Variants in DYRK1A observed in about 807,000 individuals in gnomAD.
DYRK1A encodes the protein dual specificity tyrosine phosphorylation regulated kinase 1A, also known as dual specificity tyrosine-phosphorylation-regulated kinase 1A.
In DYRK1A, 9 loss-of-function variants were observed where a neutral mutation model predicts 79.7. That is an observed-to-expected ratio of 0.11 (90% CI 0.07 to 0.20). The LOEUF (loss-of-function observed/expected upper bound fraction) is 0.20. Among genes scored for constraint, DYRK1A ranks in the 10% least tolerant of loss-of-function variants. The pLI, the probability that DYRK1A is intolerant of heterozygous loss-of-function variation, is 1.00. For missense variants in DYRK1A, 622 were observed against 956.0 expected (o/e 0.65, Z 4.61); for synonymous variants, 349 against 329.7 (o/e 1.06, Z -0.63).
At chr21:37,432,941 A>G (rs1249676339) in intron 2 of DYRK1A, among the ~76,000 whole-genome samples, 1 of 149,954 alleles carries the variant, frequency 6.7e-6, no homozygotes, top group Non-Finnish European at 1.5e-5. Context: ...GCGCCATTGC[A>G]CTCCAGCCTG....
At chr21:37,399,951 C>G (rs545340639) in intron 1 of DYRK1A, among the ~76,000 whole-genome samples, 18 of 152,302 alleles carry the variant, frequency 1.2e-4, no homozygotes, top group Admixed American at 5.2e-4. Flanking sequence ...GCTCCTGTAA[C>G]AAATCACAGA....
chr21:37,507,158 TA>T (rs2053621105), intron 11 of DYRK1A, among the ~76,000 whole-genome samples: 1 of 152,214 alleles, frequency 6.6e-6, no homozygotes, highest in South Asian at 2.1e-4. Flanking sequence ...TAACATTGAA[TA>T]CATGATCCTG....
chr21:37,476,400 T>G (rs1389655735), intron 3 of DYRK1A, among the ~76,000 whole-genome samples: 1 of 152,232 alleles, frequency 6.6e-6, no homozygotes, highest in Non-Finnish European at 1.5e-5. Flanking sequence ...TTCGGTTGAC[T>G]CTACCAATGA....
intron 2 of DYRK1A, among the ~76,000 whole-genome samples, chr21:37,421,260 T>TAG (rs1378477320): frequency 6.6e-6 from 1 of 152,120 alleles, no homozygotes; most frequent in African/African-American, 2.4e-5. Context: ...TTTGAATTGA[T>TAG]ACCTAACAGA....
intron 3 of DYRK1A, 52 bp downstream of exon 3, chr21:37,472,932 A>T (rs2052277888): frequency 7.5e-7 from 1 of 1,341,268 alleles, no homozygotes; most frequent in African/African-American, 1.5e-5. Flanking sequence ...TTTATTCCTT[A>T]AAAATGTTGG....
At chr21:37,418,927 G>A (rs2050410451) in intron 1 of DYRK1A, 1 of 152,174 alleles carries the variant, frequency 6.6e-6, no homozygotes. Flanking sequence ...TATTGTCTCT[G>A]AGGTTCTTTT....
Position 37,512,497 on chromosome 21 carries a change from T to C in DYRK1A, c.2231T>C (p.Val744Ala). Residue 744 changes from valine (V) to alanine (A), a missense_variant, in exon 12 of 12, where the codon GTT becomes GCT. Val to Ala is a moderately conservative substitution (Grantham distance 64). Around this residue, in one of 5 missense-constraint regions of DYRK1A, gnomAD observed 292 missense variants for 316.7 expected, o/e 0.92. Coordinates refer to ENST00000647188, the MANE Select transcript of DYRK1A (RefSeq NM_001347721.2). ...AGAGAAGAGTCCCCCATGACAGGAG[T>C]TTGTGTGCAACAGAGTCCTGTAGCT... ...ADREESPMTG[V>A]CVQQSPVASS 6.2e-7 allele frequency: 1 copy of C among 1,613,976 alleles called. No individual in the cohort carries two copies. Among genetic ancestry groups the C allele is most frequent in the Non-Finnish European group, 8.5e-7 (1 of 1,179,970 alleles).
intron 2 of DYRK1A, among the ~76,000 whole-genome samples, chr21:37,451,365 C>CCCTACCCAT (rs59321172): frequency 1.4e-5 from 2 of 140,476 alleles, no homozygotes; most frequent in Admixed American, 7.4e-5. Flanking sequence ...TCCATCCCTC[C>CCCTACCCAT]CTCCCTCCAT....
chr21:37,503,862 A>G (rs951120595), intron 9 of DYRK1A: 7 of 152,120 alleles, frequency 4.6e-5, no homozygotes, highest in Admixed American at 6.5e-5. Flanking sequence ...CCAGTCTGCT[A>G]TTTTCAACAT....
At chr21:37,409,963 T>C (rs1426778044) in intron 1 of DYRK1A, among the ~76,000 whole-genome samples, 1 of 152,236 alleles carries the variant, frequency 6.6e-6, no homozygotes, top group Non-Finnish European at 1.5e-5. Context: ...AACTTTTGTA[T>C]ATACATTTTG....
intron 1 of DYRK1A, among the ~76,000 whole-genome samples, chr21:37,380,351 A>G (rs944273656): frequency 1.7e-4 from 26 of 152,126 alleles, no homozygotes; most frequent in African/African-American, 5.3e-4. Flanking sequence ...TGTTGAAACA[A>G]CAATGGTAAG....
In DYRK1A at chr21:37,427,114, T is replaced by C. The variant is rs532971529; in HGVS notation, c.10+6730T>C. Among the ~76,000 whole-genome samples the C allele has an allele frequency of 1.7e-3, 258 of 152,296 alleles. 1 individual carries two copies. The highest frequency in any genetic ancestry group is 3.0e-3 in the Non-Finnish European group (206 of 68,020). ...CTCAAGAAAATTTGTTGAAATTTGC[T>C]TTGCAGATTTTTTTTAAGAGAGTCT... On this transcript the variant is annotated intron_variant, in intron 2 of 11. Coordinates refer to ENST00000647188, the MANE Select transcript of DYRK1A (RefSeq NM_001347721.2).
intron 1 of DYRK1A, among the ~76,000 whole-genome samples, chr21:37,416,316 C>G: frequency 1.1e-5 from 1 of 90,846 alleles, no homozygotes; most frequent in South Asian, 4.0e-4. Context: ...TGTGTTTTGG[C>G]CTTTTTTTTT....
intron 1 of DYRK1A, among the ~76,000 whole-genome samples, chr21:37,377,856 T>C (rs1433098866): frequency 6.6e-6 from 1 of 152,198 alleles, no homozygotes; most frequent in Non-Finnish European, 1.5e-5. Flanking sequence ...TTTTGCTCTT[T>C]TAAACAATGC....
chr21:37,392,798 G>A (rs1039922814), intron 1 of DYRK1A, among the ~76,000 whole-genome samples: 1 of 152,344 alleles, frequency 6.6e-6, no homozygotes, highest in East Asian at 1.9e-4. Flanking sequence ...ATTTCTTACA[G>A]TTCTGGAGGA....
intron 2 of DYRK1A, among the ~76,000 whole-genome samples, chr21:37,468,485 T>C (rs1336865855): frequency 6.6e-6 from 1 of 152,146 alleles, no homozygotes; most frequent in African/African-American, 2.4e-5. Context: ...TTAGGTAGTG[T>C]CCAGTTCTTG....
chr21:37,459,866 G>T (rs933578361), intron 2 of DYRK1A, among the ~76,000 whole-genome samples: 4 of 151,938 alleles, frequency 2.6e-5, no homozygotes, highest in Admixed American at 2.6e-4. Flanking sequence ...TTTTTTTCCC[G>T]CAAAGGACTG....
intron 5 of DYRK1A, among the ~76,000 whole-genome samples, chr21:37,483,135 T>C (rs946094556): frequency 6.6e-6 from 1 of 152,166 alleles, no homozygotes; most frequent in Non-Finnish European, 1.5e-5. Flanking sequence ...AGGGTATTGA[T>C]TGGGGAAGTG....
At chr21:37,388,500 A>G (rs972329405) in intron 1 of DYRK1A, among the ~76,000 whole-genome samples, 6 of 152,220 alleles carry the variant, frequency 3.9e-5, no homozygotes, top group Non-Finnish European at 8.8e-5. Flanking sequence ...TCATACCTTT[A>G]AAAGGTTAAC....
Sources: gnomAD v4.1 joint callset for allele counts (sites outside exome capture counted in the v4.1 genomes callset) on GRCh38, gnomAD v4.1.1 for gene constraint, gnomAD v4.1.1 regional missense constraint, MANE v1.5 for transcripts, NCBI Gene and HGNC (gene_info 2026-07-23, HGNC 2026-07-21) for gene names.